Variants in RELN observed in about 807,000 individuals in gnomAD.
RELN encodes reelin.
A neutral mutation model predicts 427.6 loss-of-function variants in RELN; 108 were observed. That is an observed-to-expected ratio of 0.25 (90% confidence interval 0.22 to 0.30). The LOEUF (loss-of-function observed/expected upper bound fraction) is 0.30, where lower values mean the gene tolerates loss of function less well. Ranked by LOEUF, RELN falls within the 10% of genes least tolerant of loss-of-function variation. The pLI is 1.00. For missense variants in RELN, 3,715 were observed against 4,302.8 expected (o/e 0.86, Z 3.82); for synonymous variants, 1,524 against 1,513.4 (o/e 1.01, Z -0.16).
intron 53 of RELN, among the ~76,000 whole-genome samples, chr7:103,499,257 T>G (rs1828941459): frequency 6.6e-6 from 1 of 152,232 alleles, no homozygotes; most frequent in Non-Finnish European, 1.5e-5. Context: ...TTTATCCTTT[T>G]AACTAAGAAT....
intron 6 of RELN, among the ~76,000 whole-genome samples, chr7:103,738,269 T>C (rs1790544217): frequency 6.6e-6 from 1 of 151,894 alleles, no homozygotes; most frequent in African/African-American, 2.4e-5. Context: ...TCTGACTTTG[T>C]AATTGCTTAA....
At chr7:103,870,266 T>C (rs1269165466) in intron 2 of RELN, among the ~76,000 whole-genome samples, 2 of 152,150 alleles carry the variant, frequency 1.3e-5, no homozygotes, top group African/African-American at 2.4e-5. Context: ...GAATGCTTTT[T>C]TCTTGATGAT....
At chr7:103,694,876 G>T (rs1204016332) in intron 10 of RELN, among the ~76,000 whole-genome samples, 1 of 151,352 alleles carries the variant, frequency 6.6e-6, no homozygotes, top group African/African-American at 2.4e-5. Context: ...TGTTGTCCAG[G>T]CAAGTCTTAA....
intron 7 of RELN, among the ~76,000 whole-genome samples, chr7:103,725,174 C>T (rs914275705): frequency 3.3e-5 from 5 of 152,094 alleles, no homozygotes; most frequent in Non-Finnish European, 5.9e-5. Flanking sequence ...TGTACTTTTT[C>T]TCTAAAATTT....
intron 2 of RELN, among the ~76,000 whole-genome samples, chr7:103,908,610 T>C (rs759949606): frequency 2.0e-5 from 3 of 152,224 alleles, no homozygotes; most frequent in Non-Finnish European, 4.4e-5. Context: ...TTTAACAATT[T>C]ATTGGTTAAT....
chr7:103,751,718 CATTT>C (rs1791007327), intron 5 of RELN, among the ~76,000 whole-genome samples: 1 of 152,186 alleles, frequency 6.6e-6, no homozygotes, highest in Non-Finnish European at 1.5e-5. Flanking sequence ...TAAGCGCTTG[CATTT>C]GTCTGCCAAA....
At chr7:103,570,727 C>A (rs1483839413) in intron 31 of RELN, among the ~76,000 whole-genome samples, 2 of 152,236 alleles carry the variant, frequency 1.3e-5, no homozygotes, top group Non-Finnish European at 2.9e-5. Context: ...ATCTACGCAG[C>A]AGCCACCTTA....
intron 38 of RELN, among the ~76,000 whole-genome samples, chr7:103,555,880 GAAAT>G (rs1830510488): frequency 6.6e-6 from 1 of 152,138 alleles, no homozygotes; most frequent in Admixed American, 6.5e-5. Flanking sequence ...TATTGTTAAG[GAAAT>G]AGGTTAAATT....
chr7:103,930,868 A>ATGTATGTG (rs1795847449), intron 1 of RELN, among the ~76,000 whole-genome samples: 2 of 141,902 alleles, frequency 1.4e-5, no homozygotes, highest in Non-Finnish European at 3.1e-5. Context: ...GTGTGAGCAT[A>ATGTATGTG]TGTGTGTGTG....
At chr7:103,974,215 G>A (rs1796824300) in intron 1 of RELN, among the ~76,000 whole-genome samples, 2 of 152,142 alleles carry the variant, frequency 1.3e-5, no homozygotes, top group African/African-American at 4.8e-5. Context: ...TTTTTCATAT[G>A]CAATAACTCA....
intron 1 of RELN, among the ~76,000 whole-genome samples, chr7:103,940,468 T>C (rs999813625): frequency 6.6e-6 from 1 of 152,214 alleles, no homozygotes; most frequent in African/African-American, 2.4e-5. Context: ...AGAACGTGGT[T>C]ACTGAAAGTA....
At chr7:103,671,533 T>C (rs183509361) in intron 11 of RELN, among the ~76,000 whole-genome samples, 1 of 152,242 alleles carries the variant, frequency 6.6e-6, no homozygotes, top group Non-Finnish European at 1.5e-5. Flanking sequence ...TCAATAAATG[T>C]TGGTTTCCTT....
intron 4 of RELN, among the ~76,000 whole-genome samples, chr7:103,771,620 T>G (rs1791571448): frequency 6.6e-6 from 1 of 152,162 alleles, no homozygotes; most frequent in Admixed American, 6.5e-5. Flanking sequence ...TAACATTTTC[T>G]TTATTTCTTC....
rs116463039 is a variant in RELN at position 103,472,873 on chromosome 7, C to T, written c.10322G>A (p.Arg3441Gln). The change falls in exon 65 of 65, where the codon CGA becomes CAA. Residue 3441 changes from arginine (R) to glutamine (Q), a missense_variant. Around this residue, in one of 4 missense-constraint regions of RELN, gnomAD observed 195 missense variants for 281.3 expected, o/e 0.69. Coordinates refer to ENST00000428762, the MANE Select transcript of RELN (RefSeq NM_005045.4). ...GTAGAAATGTCTGAGCCCATGTTGT[C>T]GTGAAAAATTCATCATGTAATTTTG... The part of the protein sequence containing the change: ...RKQNYMMNFS[R>Q]QHGLRHFYNR... 5.5e-5 allele frequency: 89 copies of T among 1,613,728 alleles called. No homozygotes were observed. Among genetic ancestry groups the T allele is most frequent in the African/African-American group, 4.1e-4 (31 of 74,968 alleles).
intron 3 of RELN, among the ~76,000 whole-genome samples, chr7:103,812,533 G>A (rs528215002): frequency 6.6e-6 from 1 of 152,330 alleles, no homozygotes; most frequent in African/African-American, 2.4e-5. Context: ...CACTTGTTCA[G>A]ACAGGTAAGG....
intron 1 of RELN, among the ~76,000 whole-genome samples, chr7:103,951,821 T>C (rs1370154531): frequency 6.6e-6 from 1 of 152,210 alleles, no homozygotes; most frequent in South Asian, 2.1e-4. Context: ...TACAGGCACA[T>C]GCAACAATGC....
intron 6 of RELN, among the ~76,000 whole-genome samples, chr7:103,747,304 T>C (rs1173356897): frequency 2.0e-5 from 3 of 151,846 alleles, no homozygotes; most frequent in Non-Finnish European, 4.4e-5. Context: ...AGGAGATATA[T>C]CTAATGCTAA....
intron 1 of RELN, among the ~76,000 whole-genome samples, chr7:103,940,219 T>C (rs1157366045): frequency 2.0e-5 from 3 of 152,216 alleles, no homozygotes; most frequent in African/African-American, 7.2e-5. Flanking sequence ...CAAGTTTCAC[T>C]ACTTGTTGGC....
chr7:103,549,735 G>C (rs1830372729), intron 41 of RELN, among the ~76,000 whole-genome samples: 1 of 152,242 alleles, frequency 6.6e-6, no homozygotes, highest in Non-Finnish European at 1.5e-5. Flanking sequence ...CACTTTCTGA[G>C]TGAAGTCCAT....
Sources: gnomAD v4.1 joint callset for allele counts (sites outside exome capture counted in the v4.1 genomes callset) on GRCh38, gnomAD v4.1.1 for gene constraint, gnomAD v4.1.1 regional missense constraint, MANE v1.5 for transcripts, NCBI Gene and HGNC (gene_info 2026-07-23, HGNC 2026-07-21) for gene names.